The following TSPAN18 variants were observed in gnomAD, a reference collection of about 807,000 sequenced individuals.
The protein encoded by TSPAN18 is tetraspanin-18.
A neutral mutation model predicts 27.3 loss-of-function variants in TSPAN18; 14 were observed. That is an observed-to-expected ratio of 0.51 (90% CI 0.34 to 0.80). The LOEUF (loss-of-function observed/expected upper bound fraction) is 0.80. Among genes scored for constraint, TSPAN18 ranks in the 30% least tolerant of loss-of-function variants. The probability of loss-of-function intolerance (pLI) is 0.01; values close to 1 mark genes in which losing one functional copy is unlikely to be tolerated. For synonymous variants in TSPAN18, 143 were observed against 136.5 expected (o/e 1.05, Z -0.33); for missense variants, 268 against 323.9 (o/e 0.83, Z 1.32).
At chr11:44,804,520 A>G (rs1856550429) in intron 2 of TSPAN18, among the ~76,000 whole-genome samples, 1 of 152,122 alleles carries the variant, frequency 6.6e-6, no homozygotes. Flanking sequence ...TGAAGGAAGG[A>G]AAGGAGGGAG....
intron 1 of TSPAN18, among the ~76,000 whole-genome samples, chr11:44,751,964 C>T (rs1424136567): frequency 6.6e-6 from 1 of 151,742 alleles, no homozygotes; most frequent in Non-Finnish European, 1.5e-5. Flanking sequence ...TCTCAGCTAC[C>T]TAAAGCTAAT....
rs1858089365 is a variant in TSPAN18 at position 44,868,116 on chromosome 11, G to T, written c.-11+7647G>T. Reference sequence around the variant, plus strand: ...GGGAGATGGAGAAAAAGGAGGCCGGGTGCAGCGTGGATACCCGGGTCATGC... The same window carrying T: ...GGGAGATGGAGAAAAAGGAGGCCGGTTGCAGCGTGGATACCCGGGTCATGC... On this transcript the variant is annotated intron_variant, in intron 3 of 9. Transcript: ENST00000520358. 3.3e-5 allele frequency among the ~76,000 whole-genome samples: 5 copies of T among 152,228 alleles called. No homozygotes were observed. In the South Asian group the frequency reaches 1.0e-3, roughly 32 times the overall value.
chr11:44,732,007 A>C (rs757610895), intron 1 of TSPAN18, among the ~76,000 whole-genome samples: 11 of 152,256 alleles, frequency 7.2e-5, no homozygotes, highest in Admixed American at 1.3e-4. Flanking sequence ...TTCGACTTTA[A>C]GATAAATAAT....
chr11:44,770,015 C>A (rs1004048405), intron 2 of TSPAN18, among the ~76,000 whole-genome samples: 14 of 152,198 alleles, frequency 9.2e-5, no homozygotes, highest in African/African-American at 3.4e-4. Context: ...GATAACAATG[C>A]CTAGCCCTGA....
chr11:44,901,420 G>A (rs1859258858), intron 3 of TSPAN18: 2 of 152,288 alleles, frequency 1.3e-5, no homozygotes, highest in South Asian at 2.1e-4. Context: ...GGCTGAAGCT[G>A]GATCCTACCC....
intron 8 of TSPAN18, among the ~76,000 whole-genome samples, chr11:44,923,313 G>A (rs1232094287): frequency 2.0e-5 from 3 of 152,096 alleles, no homozygotes; most frequent in East Asian, 1.9e-4. Context: ...GCAGCAGGGG[G>A]TGGGGGATGT....
chr11:44,812,239 G>A (rs1565160883), intron 2 of TSPAN18, among the ~76,000 whole-genome samples: 3 of 152,174 alleles, frequency 2.0e-5, no homozygotes, highest in Admixed American at 1.3e-4. Context: ...GTGACCTGGG[G>A]CAAATGACTT....
At chr11:44,801,576 A>G (rs182590716) in intron 2 of TSPAN18, among the ~76,000 whole-genome samples, 98 of 152,342 alleles carry the variant, frequency 6.4e-4, no homozygotes, top group Admixed American at 1.7e-3. Context: ...AAAATGAAAA[A>G]AATATCTTCA....
chr11:44,856,332 C>T (rs891684711), intron 2 of TSPAN18, among the ~76,000 whole-genome samples: 3 of 152,166 alleles, frequency 2.0e-5, no homozygotes, highest in Non-Finnish European at 4.4e-5. Context: ...GTCTCACTTC[C>T]CACTCTGCCC....
At chr11:44,919,191 C>T in intron 6 of TSPAN18, 23 bp from the exon 7 acceptor site, 4 of 1,603,522 alleles carry the variant, frequency 2.5e-6, no homozygotes, top group Non-Finnish European at 3.4e-6. Flanking sequence ...AGGCCTAAGC[C>T]CATCTTCTCC....
chr11:44,823,150 G>A (rs1006607895), intron 2 of TSPAN18, among the ~76,000 whole-genome samples: 1 of 152,284 alleles, frequency 6.6e-6, no homozygotes, highest in Non-Finnish European at 1.5e-5. Flanking sequence ...CTCCACGGCC[G>A]GCAACGCCCC....
intron 3 of TSPAN18, among the ~76,000 whole-genome samples, chr11:44,874,322 G>A (rs1858272777): frequency 6.6e-6 from 1 of 152,178 alleles, no homozygotes; most frequent in Admixed American, 6.5e-5. Flanking sequence ...GGGCCCATCT[G>A]GCCCCATAAT....
intron 3 of TSPAN18, among the ~76,000 whole-genome samples, chr11:44,860,847 C>G (rs1430005771): frequency 6.6e-6 from 1 of 152,166 alleles, no homozygotes; most frequent in Non-Finnish European, 1.5e-5. Context: ...TAAAGGTTGG[C>G]TGCAGTGGGT....
intron 5 of TSPAN18, 64 bp from the exon 6 acceptor site, chr11:44,917,907 TG>T: frequency 6.8e-7 from 1 of 1,476,140 alleles, no homozygotes. Context: ...ACGGATGCAT[TG>T]GCCAGTGGCC....
chr11:44,794,298 C>T (rs1374334158), intron 2 of TSPAN18, among the ~76,000 whole-genome samples: 1 of 152,170 alleles, frequency 6.6e-6, no homozygotes, highest in Non-Finnish European at 1.5e-5. Flanking sequence ...TGGAGCTTCA[C>T]ACATGTGTGG....
intron 4 of TSPAN18, among the ~76,000 whole-genome samples, chr11:44,907,192 C>T (rs983552337): frequency 8.5e-5 from 13 of 152,190 alleles, no homozygotes; most frequent in African/African-American, 2.4e-4. Flanking sequence ...GGCCCACCCA[C>T]ATGCTGAGCC....
At position 44,778,454 on chromosome 11, in the gene TSPAN18, T is replaced by C. The variant is rs1453637895; in HGVS notation, c.-153+13942T>C. Among the ~76,000 whole-genome samples, 3 of 152,264 alleles carry C rather than the reference T, an allele frequency of 2.0e-5. No homozygotes were observed. In the East Asian group the frequency reaches 5.8e-4, roughly 30 times the overall value. On this transcript the variant is annotated intron_variant, in intron 2 of 9. Transcript: ENST00000520358. ...TCTGGAAAACAAGCTAGGCAGGCACTATCTATTGATTCCAGCTGGCCTTCT... is the reference window on the plus strand; with the variant it reads ...TCTGGAAAACAAGCTAGGCAGGCACCATCTATTGATTCCAGCTGGCCTTCT...
intron 2 of TSPAN18, among the ~76,000 whole-genome samples, chr11:44,764,871 A>C (rs1350460148): frequency 6.6e-6 from 1 of 151,966 alleles, no homozygotes; most frequent in African/African-American, 2.4e-5. Context: ...CCCCATACCC[A>C]CCACAGTCTT....
chr11:44,758,900 A>G (rs1855389612), intron 1 of TSPAN18, among the ~76,000 whole-genome samples: 1 of 152,156 alleles, frequency 6.6e-6, no homozygotes, highest in Admixed American at 6.5e-5. Flanking sequence ...CTCATCTCCT[A>G]CCGTGTTTCC....
Sources: gnomAD v4.1 joint callset for allele counts (sites outside exome capture counted in the v4.1 genomes callset) on GRCh38, gnomAD v4.1.1 for gene constraint, MANE v1.5 for transcripts, NCBI Gene and HGNC (gene_info 2026-07-23, HGNC 2026-07-21) for gene names.